ANGPT1: variants seen among roughly 807,000 people sequenced by gnomAD.
The protein encoded by ANGPT1 is angiopoietin-1.
ANGPT1 carries 17 observed loss-of-function variants against 62.2 expected under a neutral mutation model. The ratio of observed to expected loss-of-function variants is 0.27; its 90% CI spans 0.19 to 0.41. The LOEUF (loss-of-function observed/expected upper bound fraction) is 0.41. ANGPT1 is among the 10% of genes least tolerant of loss of function. The pLI is 1.00. For missense variants in ANGPT1, 478 were observed against 594.9 expected, an observed-to-expected ratio of 0.80 and a Z score of 2.04; for synonymous variants, 199 against 198.9, an observed-to-expected ratio of 1.00 and a Z score of 0.00.
intron 1 of ANGPT1, among the ~76,000 whole-genome samples, chr8:107,376,449 T>A (rs1444393312): frequency 2.0e-5 from 3 of 152,174 alleles, no homozygotes; most frequent in Non-Finnish European, 2.9e-5. Flanking sequence ...CTGATTAGTG[T>A]TCAGGGAGGA....
At chr8:107,421,625 A>C (rs1170994401) in intron 1 of ANGPT1, among the ~76,000 whole-genome samples, 3 of 152,192 alleles carry the variant, frequency 2.0e-5, no homozygotes, top group Admixed American at 2.0e-4. Context: ...AGCATCTGTC[A>C]ATATCAGGTC....
chr8:107,425,303 G>A (rs995572903), intron 1 of ANGPT1, among the ~76,000 whole-genome samples: 1 of 152,152 alleles, frequency 6.6e-6, no homozygotes, highest in Non-Finnish European at 1.5e-5. Context: ...ACTATGGGAG[G>A]TTACTATCTT....
chr8:107,479,529 A>C (rs1812620858), intron 1 of ANGPT1, among the ~76,000 whole-genome samples: 1 of 152,200 alleles, frequency 6.6e-6, no homozygotes, highest in Admixed American at 6.5e-5. Flanking sequence ...AGGAATTTCA[A>C]ACCACTGGGA....
At chr8:107,426,239 A>G (rs905190425) in intron 1 of ANGPT1, among the ~76,000 whole-genome samples, 4 of 152,176 alleles carry the variant, frequency 2.6e-5, no homozygotes, top group Non-Finnish European at 5.9e-5. Flanking sequence ...TCACTGCCAG[A>G]TAAATCTGCC....
At chr8:107,409,956 TCCA>T (rs1817230568) in intron 1 of ANGPT1, among the ~76,000 whole-genome samples, 2 of 151,660 alleles carry the variant, frequency 1.3e-5, no homozygotes, top group Non-Finnish European at 2.9e-5. Context: ...CATCCATCCA[TCCA>T]TCCATCCATC....
intron 1 of ANGPT1, among the ~76,000 whole-genome samples, chr8:107,474,215 A>AAC (rs34838247): frequency 0.7 from 106,724 of 151,668 alleles, 37,691 homozygotes; most frequent in East Asian, 0.79. Flanking sequence ...CGAATCCAGC[A>AAC]ACATCAAAAA....
chr8:107,483,417 C>A (rs1049191722), intron 1 of ANGPT1, among the ~76,000 whole-genome samples: 20 of 152,190 alleles, frequency 1.3e-4, no homozygotes, highest in Non-Finnish European at 2.2e-4. Flanking sequence ...TTTATTTGAA[C>A]CAAGGTCTCC....
chr8:107,477,885 A>C (rs1420018075), intron 1 of ANGPT1, among the ~76,000 whole-genome samples: 5 of 152,168 alleles, frequency 3.3e-5, no homozygotes, highest in Non-Finnish European at 5.9e-5. Context: ...CTTTCAACAT[A>C]AGTCTTTACA....
At position 107,370,195 on chromosome 8, in the gene ANGPT1, A is replaced by AAAGAAAGAAGG. The variant is rs1554586919; in HGVS notation, c.298-23099_298-23098insCCTTCTTTCTT. ...GAGAAAGAAGAAAGAAAGAAAGAAA[A>AAAGAAAGAAGG]AAAGAAAGAAAGAAAGAAAGAAAGG... On this transcript the variant is annotated intron_variant, in intron 1 of 8. Transcript: ENST00000517746. 4.8e-4 allele frequency among the ~76,000 whole-genome samples: 45 copies of AAAGAAAGAAGG among 93,258 alleles called. 1 individual carries two copies. The highest frequency in any genetic ancestry group is 4.2e-5 in the Non-Finnish European group (2 of 48,150). 61.2% of individuals were successfully genotyped at this position (93,258 alleles called of 152,430 possible). A position where few individuals can be genotyped will look rare whatever the true frequency, so the allele number is the denominator to read the frequency against.
chr8:107,469,741 A>G (rs16876338), intron 1 of ANGPT1, among the ~76,000 whole-genome samples: 33,166 of 151,956 alleles, frequency 0.22, 4,203 homozygotes, highest in African/African-American at 0.34. Context: ...ATGCAATTTT[A>G]TCACTGCAAT....
intron 1 of ANGPT1, among the ~76,000 whole-genome samples, chr8:107,433,981 C>A (rs1231459272): frequency 1.3e-5 from 2 of 152,160 alleles, no homozygotes; most frequent in Non-Finnish European, 2.9e-5. Context: ...TTCACTATAT[C>A]ATAGTCCTTA....
chr8:107,496,858 A>T (rs1813114008), intron 1 of ANGPT1, among the ~76,000 whole-genome samples: 1 of 152,168 alleles, frequency 6.6e-6, no homozygotes, highest in Admixed American at 6.5e-5. Flanking sequence ...AGCGGCACAA[A>T]ATTTTCTGGT....
At chr8:107,439,176 C>T (rs1007841811) in intron 1 of ANGPT1, among the ~76,000 whole-genome samples, 2 of 152,160 alleles carry the variant, frequency 1.3e-5, no homozygotes, top group Non-Finnish European at 2.9e-5. Context: ...TCATACCAGA[C>T]TTAATCTGGA....
intron 1 of ANGPT1, among the ~76,000 whole-genome samples, chr8:107,477,487 C>T (rs1021807935): frequency 6.6e-6 from 1 of 152,046 alleles, no homozygotes; most frequent in Non-Finnish European, 1.5e-5. Flanking sequence ...ACCATGGGTC[C>T]GTGTGTTTTC....
At chr8:107,400,561 C>G (rs1399009882) in intron 1 of ANGPT1, among the ~76,000 whole-genome samples, 4 of 142,516 alleles carry the variant, frequency 2.8e-5, no homozygotes, top group African/African-American at 1.0e-4. Context: ...ACATTTCTTT[C>G]TTTTTTTTTT....
At chr8:107,333,936 AAG>A (rs1448622093) in intron 3 of ANGPT1, among the ~76,000 whole-genome samples, 4 of 147,200 alleles carry the variant, frequency 2.7e-5, no homozygotes, top group East Asian at 4.0e-4. Flanking sequence ...GAAAGAAAGA[AAG>A]AAAGAAAAAG....
At chr8:107,488,179 A>G (rs1812863414) in intron 1 of ANGPT1, among the ~76,000 whole-genome samples, 1 of 152,178 alleles carries the variant, frequency 6.6e-6, no homozygotes. Flanking sequence ...TGAAATTTAC[A>G]ATTGGTACCC....
chr8:107,315,759 C>T (rs567939322), intron 4 of ANGPT1, among the ~76,000 whole-genome samples: 4 of 152,144 alleles, frequency 2.6e-5, no homozygotes, highest in South Asian at 4.2e-4. Flanking sequence ...AAATTGTACA[C>T]AAATGTGTGC....
At chr8:107,468,982 T>A (rs1196089672) in intron 1 of ANGPT1, among the ~76,000 whole-genome samples, 1 of 152,078 alleles carries the variant, frequency 6.6e-6, no homozygotes, top group African/African-American at 2.4e-5. Flanking sequence ...ACAAAGTACT[T>A]ATTAGTTGGT....
Sources: allele counts gnomAD v4.1 joint callset (sites outside exome capture counted in the v4.1 genomes callset), GRCh38; gene constraint gnomAD v4.1.1; transcripts MANE v1.5; gene names NCBI Gene and HGNC (gene_info 2026-07-23, HGNC 2026-07-21).